ABR: variants seen among roughly 807,000 people sequenced by gnomAD.
ABR encodes active breakpoint cluster region-related protein.
In ABR, 35 loss-of-function variants were observed where a neutral mutation model predicts 107.2. That is an observed-to-expected ratio of 0.33 (90% confidence interval 0.25 to 0.43). The LOEUF is 0.43. ABR is among the 20% of genes least tolerant of loss of function. The pLI is 1.00. For synonymous variants in ABR, 498 were observed against 462.0 expected (o/e 1.08, Z -1.00); for missense variants, 815 against 1,115.2 (o/e 0.73, Z 3.83).
Position 1,185,655 on chromosome 17 carries a change from A to AAAATAAAAT in ABR, c.-78+1144_-78+1145insATTTTATTT, listed in dbSNP as rs1491397297. Among the ~76,000 whole-genome samples, 29 of 99,142 alleles carry AAAATAAAAT rather than the reference A, an allele frequency of 2.9e-4. 1 individual carries two copies. Among genetic ancestry groups the AAAATAAAAT allele is most frequent in the African/African-American group, 1.5e-3 (29 of 19,076 alleles). The allele number at this position is 99,142 out of a possible 152,430, so 65.0% of individuals were successfully genotyped here. A position where few individuals can be genotyped will look rare whatever the true frequency, so the allele number is the denominator to read the frequency against. On this transcript the variant is annotated intron_variant, in intron 1 of 22. Coordinates refer to the ABR transcript ENST00000544583. ...GTGAGACTCCGTCTCAGAAAGAAAT[A>AAAATAAAAT]AAAAAAAAAAAAAAAAAAAAAAAAA...
intron 1 of ABR, among the ~76,000 whole-genome samples, chr17:1,209,371 G>T (rs553898928): frequency 2.0e-5 from 3 of 152,004 alleles, no homozygotes; most frequent in Admixed American, 1.3e-4. Flanking sequence ...CCACCTCCTG[G>T]GTTCAAGCCA....
intron 2 of ABR, among the ~76,000 whole-genome samples, chr17:1,117,931 C>T (rs868309446): frequency 1.2e-3 from 73 of 60,664 alleles, no homozygotes; most frequent in South Asian, 2.6e-3. Context: ...GCCTGAGTTC[C>T]TCCCAGCGTT....
At chr17:1,098,936 C>A (rs1034188916) in intron 3 of ABR, among the ~76,000 whole-genome samples, 1 of 152,188 alleles carries the variant, frequency 6.6e-6, no homozygotes, top group Non-Finnish European at 1.5e-5. Flanking sequence ...CAGGGGCCCG[C>A]CACCACGCCC....
rs1567704949 is a variant in ABR at position 1,073,682 on chromosome 17, CG to C, written c.701-6del. 1.2e-6 allele frequency: 2 copies of C among 1,602,746 alleles called. No homozygotes were observed. Among genetic ancestry groups the C allele is most frequent in the South Asian group, 1.1e-5 (1 of 89,438 alleles). ...CAATGGGCTTGTAGAGCAGAGCTGT[CG>C]GGGGAGACAGGGAGAAGGAGGAAGA... On this transcript the variant is annotated splice_polypyrimidine_tract_variant and splice_region_variant and intron_variant, in intron 6 of 22. Transcript: ENST00000302538.
chr17:1,076,045 A>T (rs1332623343), intron 6 of ABR, among the ~76,000 whole-genome samples: 2 of 152,190 alleles, frequency 1.3e-5, no homozygotes, highest in African/African-American at 4.8e-5. Flanking sequence ...TCGTTTAAAT[A>T]AAAATAAATA....
intron 14 of ABR, chr17:1,055,691 G>A (rs906034093): frequency 5.2e-5 from 11 of 210,682 alleles, no homozygotes; most frequent in African/African-American, 2.0e-4. Context: ...CCATGCCCAC[G>A]CTAATTTTAG....
intron 16 of ABR, among the ~76,000 whole-genome samples, chr17:1,045,541 G>A (rs1026910147): frequency 5.3e-5 from 8 of 152,228 alleles, no homozygotes; most frequent in Admixed American, 1.3e-4. Flanking sequence ...CCAGCTGCCC[G>A]CCCTGGCCCA....
intron 2 of ABR, among the ~76,000 whole-genome samples, chr17:1,104,458 C>T (rs140974290): frequency 6.6e-6 from 1 of 152,158 alleles, no homozygotes; most frequent in African/African-American, 2.4e-5. Context: ...TCTCTGGCTG[C>T]GACTCAAGGC....
chr17:1,227,437 A>G (rs2043243345), intron 1 of ABR, among the ~76,000 whole-genome samples: 1 of 152,138 alleles, frequency 6.6e-6, no homozygotes, highest in Non-Finnish European at 1.5e-5. Flanking sequence ...GACATATAAA[A>G]ATGTTACCAG....
At position 1,040,918 on chromosome 17, in the gene ABR, G is replaced by A. The variant is rs144904443; in HGVS notation, c.1791+9132C>T. Among the ~76,000 whole-genome samples the A allele has an allele frequency of 1.6e-4, 25 of 152,262 alleles. No homozygotes were observed. The East Asian group carries it at 4.6e-3, about 28-fold the overall frequency. Reference sequence around the variant, plus strand: ...ACACTGGCTAACGATCCAAGTTCTCGTTTTCCTTTTTTTGAGACAGAGTCT... The same window carrying A: ...ACACTGGCTAACGATCCAAGTTCTCATTTTCCTTTTTTTGAGACAGAGTCT... On this transcript the variant is annotated intron_variant, in intron 16 of 22. Coordinates refer to ENST00000302538, the MANE Select transcript of ABR (RefSeq NM_021962.5).
chr17:1,213,279 T>C (rs1158747168), intron 1 of ABR, among the ~76,000 whole-genome samples: 2 of 152,220 alleles, frequency 1.3e-5, no homozygotes, highest in East Asian at 1.9e-4. Context: ...AGACCATGAT[T>C]TGAGACCCAA....
chr17:1,010,171 C>A lies in ABR; in HGVS notation c.2237-387G>T. 3.8e-6 allele frequency: 1 copy of A among 260,194 alleles called. No homozygotes were observed. The allele number at this position is 260,194 out of a possible 1,614,324, so 16.1% of individuals were successfully genotyped here. On this transcript the variant is annotated intron_variant, in intron 20 of 22. Coordinates refer to ENST00000302538, the MANE Select transcript of ABR (RefSeq NM_021962.5). The surrounding 1 kb of genome is among the most constrained non-coding windows in gnomAD (Gnocchi z 4.1). ...TTCTCCACCCCTTCTGCTGCTGGAG[C>A]GTGGGTGCAAGCAGCCTTCCGTGGG...
chr17:1,150,553 C>T lies in ABR; in HGVS notation c.62-25186G>A, dbSNP rs1033072144. Among the ~76,000 whole-genome samples, 4 of 152,284 alleles carry T rather than the reference C, an allele frequency of 2.6e-5. 1 individual carries two copies. The highest frequency in any genetic ancestry group is 2.4e-5 in the African/African-American group (1 of 41,564). ...GAGAGAGGCCCAGGAGGACGGGCCC[C>T]GGGCATGGCAAGCGCACTGCCCCCT... On this transcript the variant is annotated intron_variant, in intron 1 of 22. Coordinates refer to ENST00000302538, the MANE Select transcript of ABR (RefSeq NM_021962.5). The surrounding 1 kb of genome is among the most constrained non-coding windows in gnomAD (Gnocchi z 4.8).
chr17:1,071,107 G>A lies in ABR; in HGVS notation c.895-1017C>T, dbSNP rs1450948204. Among the ~76,000 whole-genome samples the A allele has an allele frequency of 2.0e-5, 3 of 152,162 alleles. No homozygotes were observed. The highest frequency in any genetic ancestry group is 7.2e-5 in the African/African-American group (3 of 41,436). On this transcript the variant is annotated intron_variant, in intron 8 of 22. Transcript: ENST00000302538. The surrounding 1 kb of genome is among the most constrained non-coding windows in gnomAD (Gnocchi z 5.1). ...GAACCCAGAGGGTGGAGGCTGCAGT[G>A]GAGCTGAGGTCACGCCATTGCACTC...
chr17:1,162,693 AG>A, intron 1 of ABR, among the ~76,000 whole-genome samples: 1 of 150,846 alleles, frequency 6.6e-6, no homozygotes, highest in Non-Finnish European at 1.5e-5. Context: ...TTGAAAGGCT[AG>A]GCCAAGCACA....
chr17:1,156,915 G>A (rs192250637), intron 1 of ABR, among the ~76,000 whole-genome samples: 110 of 152,264 alleles, frequency 7.2e-4, no homozygotes, highest in African/African-American at 2.4e-3. Context: ...CCTTTTAGCC[G>A]AGGGTTTTGA....
rs538633476 is a variant in ABR, at chr17:1,198,802, A to AT, written c.838+29990dup. On this transcript the variant is annotated intron_variant, in intron 1 of 22. Transcript: ENST00000574139. ...AGTTGCCCACCACCACACCTGGCAAATTTTTTTTTTTTTAATAGAGGTGGG... is the reference window on the plus strand; with the variant it reads ...AGTTGCCCACCACCACACCTGGCAAATTTTTTTTTTTTTTAATAGAGGTGGG... 1.4e-3 allele frequency among the ~76,000 whole-genome samples: 158 copies of AT among 116,200 alleles called. 1 individual carries two copies. The highest frequency in any genetic ancestry group is 1.6e-3 in the Non-Finnish European group (95 of 58,008). The allele number at this position is 116,200 out of a possible 152,430, so 76.2% of individuals were successfully genotyped here.
At chr17:1,137,651 A>G (rs184881291) in intron 1 of ABR, among the ~76,000 whole-genome samples, 3 of 152,326 alleles carry the variant, frequency 2.0e-5, no homozygotes, top group Admixed American at 2.0e-4. Context: ...GATCGTGAGA[A>G]CCACCAACAC....
At chr17:1,201,404 C>T (rs1313898079) in intron 1 of ABR, among the ~76,000 whole-genome samples, 1 of 152,178 alleles carries the variant, frequency 6.6e-6, no homozygotes, top group African/African-American at 2.4e-5. Flanking sequence ...CCGCACAGCG[C>T]CTGTTCCCTC....
Sources: gnomAD v4.1 joint callset for allele counts (sites outside exome capture counted in the v4.1 genomes callset) on GRCh38, gnomAD v4.1.1 for gene constraint, Gnocchi (gnomAD v3.1) non-coding constraint, MANE v1.5 for transcripts, NCBI Gene and HGNC (gene_info 2026-07-23, HGNC 2026-07-21) for gene names.